The following RPL26L1 variants were observed in gnomAD, a reference collection of about 807,000 sequenced individuals.
The protein encoded by RPL26L1 is ribosomal protein uL24-like.
A neutral mutation model predicts 15.2 loss-of-function variants in RPL26L1; 8 were observed. That is an observed-to-expected ratio of 0.53 (90% CI 0.31 to 0.95). The LOEUF (loss-of-function observed/expected upper bound fraction) is 0.95, where lower values mean the gene tolerates loss of function less well. Among genes scored for constraint, RPL26L1 ranks in the 40% least tolerant of loss-of-function variants. The pLI, the probability that RPL26L1 is intolerant of heterozygous loss-of-function variation, is 0.05. For missense variants in RPL26L1, 146 were observed against 190.9 expected (o/e 0.76, Z 1.39); for synonymous variants, 51 against 65.9 (o/e 0.77, Z 1.09).
At chr5:172,967,622 GA>G (rs1266047099) in intron 2 of RPL26L1, among the ~76,000 whole-genome samples, 3 of 151,898 alleles carry the variant, frequency 2.0e-5, no homozygotes, top group African/African-American at 7.3e-5. Context: ...TAGAAATGTT[GA>G]AATTTAGAAG....
chr5:172,957,040 T>G, upstream of RPL26L1: 1 of 370,938 alleles, frequency 2.7e-6, no homozygotes, highest in Non-Finnish European at 5.3e-6. Flanking sequence ...GCTGAATATC[T>G]TCTCCAAAGC....
Position 172,968,614 on chromosome 5 carries a change from T to C in RPL26L1, c.309+15T>C. ...ACCCAAGCAAGGTATGGTCAAGGAC[T>C]GAGTGGCAGTAGCAGCCATGGAGTG... On this transcript the variant is annotated intron_variant, in intron 3 of 3. Coordinates refer to ENST00000265100, the MANE Select transcript of RPL26L1 (RefSeq NM_016093.4). 3 of 1,613,792 alleles carry C rather than the reference T, an allele frequency of 1.9e-6. No homozygotes were observed. Among genetic ancestry groups the C allele is most frequent in the Non-Finnish European group, 2.5e-6 (3 of 1,179,828 alleles).
At chr5:172,956,915 G>A (rs1288420004), upstream of RPL26L1, 11 of 241,642 alleles carry the variant, frequency 4.6e-5, no homozygotes, top group Non-Finnish European at 1.7e-5. Context: ...TCCAGCCTGG[G>A]CGACAGAGCG....
In RPL26L1 at chr5:172,959,445, G is replaced by A; in HGVS notation, c.-33G>A. The A allele has an allele frequency of 1.0e-6, 1 of 1,004,156 alleles. No homozygotes were observed. 62.2% of individuals were successfully genotyped at this position (1,004,156 alleles called of 1,614,324 possible). A position where few individuals can be genotyped will look rare whatever the true frequency, so the allele number is the denominator to read the frequency against. ...ACTCACTTCCGGCCCTGCGCACTCA[G>A]GGTCTGAGGCAGCTAGTAGCCGGGT... is the stretch of plus-strand genomic sequence containing the variant. On this transcript the variant is annotated 5_prime_UTR_variant, in exon 1 of 4. Transcript: ENST00000265100.
rs569715478 is a variant in RPL26L1, at chr5:172,968,521, A to G, written c.231A>G (p.Lys77=). ...IGKVVQVYRK[K]YVIYIERVQR... ...AGGTAGTCCAGGTGTACAGAAAGAA[A>G]TATGTCATCTACATCGAGCGGGTGC... Residue 77 remains lysine, a synonymous_variant, in exon 3 of 4, where the codon AAA becomes AAG. Transcript: ENST00000265100. The G allele has an allele frequency of 1.9e-6, 3 of 1,614,180 alleles. No individual in the cohort carries two copies. The highest frequency in any genetic ancestry group is 2.2e-5 in the East Asian group (1 of 44,888).
At chr5:172,956,768 T>A (rs1754989106), upstream of RPL26L1, among the ~76,000 whole-genome samples, 1 of 151,876 alleles carries the variant, frequency 6.6e-6, no homozygotes, top group African/African-American at 2.4e-5. Flanking sequence ...TGAAACCCTG[T>A]CTCTACTAAA....
upstream of RPL26L1, chr5:172,957,689 G>C (rs1003593496): frequency 1.5e-5 from 3 of 194,684 alleles, no homozygotes; most frequent in African/African-American, 7.1e-5. Context: ...TAACACCTAA[G>C]GACTATTCTA....
chr5:172,960,611 G>A (rs1215177234), intron 2 of RPL26L1, among the ~76,000 whole-genome samples: 4 of 151,910 alleles, frequency 2.6e-5, no homozygotes, highest in Admixed American at 1.3e-4. Flanking sequence ...CAGGAGAACT[G>A]GTAAAGATGC....
chr5:172,969,745 T>G lies in RPL26L1; in HGVS notation c.*204T>G, dbSNP rs1581616316. ...AATTCCACATAGTATTTGCATTGTT[T>G]TATAAATAAATTCCACTTACTATCA... On this transcript the variant is annotated 3_prime_UTR_variant, in exon 4 of 4. Coordinates refer to ENST00000265100, the MANE Select transcript of RPL26L1 (RefSeq NM_016093.4). 2.3e-6 allele frequency: 1 copy of G among 429,342 alleles called. No homozygotes were observed. Among genetic ancestry groups the G allele is most frequent in the Admixed American group, 3.9e-5 (1 of 25,816 alleles). 26.6% of individuals were successfully genotyped at this position (429,342 alleles called of 1,614,324 possible). A position where few individuals can be genotyped will look rare whatever the true frequency, so the allele number is the denominator to read the frequency against.
intron 2 of RPL26L1, among the ~76,000 whole-genome samples, chr5:172,961,548 CAA>C (rs1191199012): frequency 6.6e-6 from 1 of 152,200 alleles, no homozygotes; most frequent in African/African-American, 2.4e-5. Flanking sequence ...CCAACCTCCT[CAA>C]GAGAGCTGTC....
upstream of RPL26L1, chr5:172,954,906 C>T (rs1399313743): frequency 6.6e-6 from 3 of 455,838 alleles, no homozygotes; most frequent in Non-Finnish European, 1.3e-5. Flanking sequence ...AGAGCAAAAC[C>T]CTCCAGGGGT....
At chr5:172,968,004 G>A (rs1047217844) in intron 2 of RPL26L1, among the ~76,000 whole-genome samples, 9 of 151,804 alleles carry the variant, frequency 5.9e-5, no homozygotes, top group Non-Finnish European at 8.8e-5. Flanking sequence ...CAAAATCTGA[G>A]ACTTTGTCAA....
intron 2 of RPL26L1, among the ~76,000 whole-genome samples, chr5:172,968,168 C>T (rs1755540460): frequency 6.6e-6 from 1 of 151,978 alleles, no homozygotes; most frequent in African/African-American, 2.4e-5. Flanking sequence ...GGATACTTGA[C>T]ATATATATGT....
rs774622266 is a variant in RPL26L1 at position 172,968,562 on chromosome 5, A to G, written c.272A>G (p.Asn91Ser). Residue 91 changes from asparagine (N) to serine (S), a missense_variant, in exon 3 of 4, where the codon AAC (asparagine) becomes AGC (serine). Coordinates refer to ENST00000265100, the MANE Select transcript of RPL26L1 (RefSeq NM_016093.4). Reference protein sequence around the residue: ...YIERVQREKANGTTVHVGIHP... With the variant: ...YIERVQREKASGTTVHVGIHP... Reference sequence around the variant, plus strand: ...GAGCGGGTGCAGCGTGAGAAGGCCAACGGCACAACTGTCCACGTGGGCATT... The same window carrying G: ...GAGCGGGTGCAGCGTGAGAAGGCCAGCGGCACAACTGTCCACGTGGGCATT... The G allele has an allele frequency of 1.7e-5, 27 of 1,614,004 alleles. No homozygotes were observed. The highest frequency in any genetic ancestry group is 1.6e-4 in the Middle Eastern group (1 of 6,084).
intron 2 of RPL26L1, among the ~76,000 whole-genome samples, chr5:172,961,980 C>T (rs1755247203): frequency 6.6e-6 from 1 of 152,202 alleles, no homozygotes; most frequent in Non-Finnish European, 1.5e-5. Context: ...TCTTCCACAT[C>T]TCCAGTAAGT....
At position 172,959,909 on chromosome 5, in the gene RPL26L1, T is replaced by G; in HGVS notation, c.36T>G (p.Ser12Arg). 1 of 1,614,142 alleles carries G rather than the reference T, an allele frequency of 6.2e-7. No individual in the cohort carries two copies. Among genetic ancestry groups the G allele is most frequent in the Non-Finnish European group, 8.5e-7 (1 of 1,180,020 alleles). Reference protein sequence around the residue: ...KFNPFVTSDRSKNRKRHFNAP... With the variant: ...KFNPFVTSDRRKNRKRHFNAP... ...ATCCCTTCGTTACCTCGGACCGCAGTAAAAACCGCAAACGTCACTTCAATG... is the reference window on the plus strand; with the variant it reads ...ATCCCTTCGTTACCTCGGACCGCAGGAAAAACCGCAAACGTCACTTCAATG... The change falls in exon 2 of 4, where the codon AGT becomes AGG. Residue 12 changes from serine to arginine, a missense_variant. Ser to Arg is a moderately radical substitution (Grantham distance 110). Transcript: ENST00000265100.
intron 2 of RPL26L1, among the ~76,000 whole-genome samples, chr5:172,965,660 A>G (rs763379959): frequency 1.3e-5 from 2 of 152,174 alleles, no homozygotes; most frequent in Non-Finnish European, 2.9e-5. Context: ...CTGTAACACC[A>G]CACTTGCATG....
rs567139851 is a variant in RPL26L1, at chr5:172,960,908, T to TG, written c.168+873dup. Among the ~76,000 whole-genome samples the TG allele has an allele frequency of 1.2e-3, 123 of 106,510 alleles. 1 individual carries two copies. The highest frequency in any genetic ancestry group is 4.2e-3 in the African/African-American group (115 of 27,070). 69.9% of individuals were successfully genotyped at this position (106,510 alleles called of 152,430 possible). A position where few individuals can be genotyped will look rare whatever the true frequency, so the allele number is the denominator to read the frequency against. On this transcript the variant is annotated intron_variant, in intron 2 of 3. Transcript: ENST00000265100. ...GATATGTTGGACTGGATAATTGTTG[T>TG]GGGGGGTGGGGGGTGGGGGCTGTCC...
chr5:172,963,749 G>A (rs1461970580), intron 2 of RPL26L1, among the ~76,000 whole-genome samples: 2 of 152,296 alleles, frequency 1.3e-5, no homozygotes, highest in South Asian at 2.1e-4. Context: ...TTTACACACA[G>A]TAAAATGCAC....
Sources: gnomAD v4.1 joint callset for allele counts (sites outside exome capture counted in the v4.1 genomes callset) on GRCh38, gnomAD v4.1.1 for gene constraint, MANE v1.5 for transcripts, NCBI Gene and HGNC (gene_info 2026-07-23, HGNC 2026-07-21) for gene names.